Variants in MSRA observed in about 807,000 individuals in gnomAD.
MSRA encodes methionine sulfoxide reductase A.
Under a neutral mutation model 31.3 loss-of-function variants are expected in MSRA, and 54 were observed. That is an observed-to-expected ratio of 1.73 (90% CI 1.39 to 2.17). MSRA has a LOEUF of 2.17. Among genes scored for constraint, MSRA ranks in the 30% most tolerant of loss-of-function variants. MSRA has a pLI of 0.00. For missense variants in MSRA, 507 were observed against 300.9 expected (o/e 1.69, Z -5.07); for synonymous variants, 169 against 116.5 (o/e 1.45, Z -2.90).
rs185370296 is a variant in MSRA at position 10,069,492 on chromosome 8, G to A, written c.142+14834G>A. On this transcript the variant is annotated intron_variant, in intron 1 of 5. Transcript: ENST00000317173. ...AAGAAACGTATTTTCTCACAGCTCC[G>A]GAGGCTGGCAAGTCCATGATCACCG... Among the ~76,000 whole-genome samples the A allele has an allele frequency of 1.8e-4, 27 of 152,312 alleles. 1 individual carries two copies. The highest frequency in any genetic ancestry group is 8.3e-4 in the South Asian group (4 of 4,832).
At chr8:10,365,096 C>G (rs1400297557) in intron 5 of MSRA, among the ~76,000 whole-genome samples, 2 of 145,864 alleles carry the variant, frequency 1.4e-5, no homozygotes, top group East Asian at 4.0e-4. Flanking sequence ...AGAAGCTTTT[C>G]TCTGTGCTGA....
At chr8:10,272,658 T>A (rs1243722399) in intron 3 of MSRA, among the ~76,000 whole-genome samples, 2 of 152,208 alleles carry the variant, frequency 1.3e-5, no homozygotes, top group Non-Finnish European at 2.9e-5. Context: ...AAATTAACCC[T>A]CACTCTTACT....
At chr8:10,167,785 T>G (rs901962019) in intron 1 of MSRA, among the ~76,000 whole-genome samples, 3 of 152,142 alleles carry the variant, frequency 2.0e-5, no homozygotes, top group African/African-American at 7.2e-5. Flanking sequence ...CCACTTTCTC[T>G]CATAGTGAGA....
intron 5 of MSRA, among the ~76,000 whole-genome samples, chr8:10,397,890 T>C (rs984120309): frequency 2.6e-5 from 4 of 152,196 alleles, no homozygotes; most frequent in Non-Finnish European, 5.9e-5. Context: ...AGTAAGCCCA[T>C]TATAACAGCT....
chr8:10,371,430 G>C (rs964054949), intron 5 of MSRA, among the ~76,000 whole-genome samples: 1 of 152,172 alleles, frequency 6.6e-6, no homozygotes, highest in East Asian at 1.9e-4. Context: ...ATGCAAGGTT[G>C]ACAGAAGCCT....
intron 5 of MSRA, among the ~76,000 whole-genome samples, chr8:10,422,392 G>A (rs1240253290): frequency 6.6e-6 from 1 of 152,180 alleles, no homozygotes; most frequent in African/African-American, 2.4e-5. Context: ...AGGCAGAAAA[G>A]CTGAGTCCAA....
intron 2 of MSRA, among the ~76,000 whole-genome samples, chr8:10,222,676 T>C (rs946675600): frequency 6.6e-6 from 1 of 152,208 alleles, no homozygotes; most frequent in Admixed American, 6.5e-5. Flanking sequence ...GGAAATCCTG[T>C]CGTTGGCAAC....
intron 1 of MSRA, among the ~76,000 whole-genome samples, chr8:10,164,825 C>G (rs988087548): frequency 2.0e-5 from 3 of 152,058 alleles, no homozygotes; most frequent in South Asian, 2.1e-4. Context: ...GTCAGGAGTT[C>G]GAGACCAGCC....
intron 2 of MSRA, among the ~76,000 whole-genome samples, chr8:10,216,076 A>G (rs537519261): frequency 2.0e-5 from 3 of 152,242 alleles, no homozygotes; most frequent in Non-Finnish European, 2.9e-5. Flanking sequence ...ATTTTTAAGA[A>G]AAATACGGAG....
chr8:10,349,989 C>A (rs564548674), intron 5 of MSRA, among the ~76,000 whole-genome samples: 9 of 152,378 alleles, frequency 5.9e-5, no homozygotes, highest in African/African-American at 1.9e-4. Context: ...ACCGCTGAAG[C>A]TTGTGGCTTG....
intron 5 of MSRA, among the ~76,000 whole-genome samples, chr8:10,327,225 T>C (rs1219342591): frequency 1.3e-5 from 2 of 152,218 alleles, no homozygotes; most frequent in African/African-American, 4.8e-5. Flanking sequence ...AAAGGCTGTA[T>C]CTATCCGTCT....
At chr8:10,073,268 T>A (rs1797832065) in intron 1 of MSRA, among the ~76,000 whole-genome samples, 1 of 152,182 alleles carries the variant, frequency 6.6e-6, no homozygotes. Flanking sequence ...GCAGATGCTG[T>A]TTATTGAGTT....
intron 3 of MSRA, among the ~76,000 whole-genome samples, chr8:10,291,254 G>A (rs1800218184): frequency 6.6e-6 from 1 of 152,172 alleles, no homozygotes; most frequent in Non-Finnish European, 1.5e-5. Context: ...AAAATATACA[G>A]CAGAGGATCA....
chr8:10,102,949 C>T (rs1799632432), intron 1 of MSRA, among the ~76,000 whole-genome samples: 1 of 152,110 alleles, frequency 6.6e-6, no homozygotes, highest in African/African-American at 2.4e-5. Flanking sequence ...GTTGTTGGTG[C>T]TACTTGTGTT....
At chr8:10,264,741 GA>G (rs1303494887) in intron 3 of MSRA, among the ~76,000 whole-genome samples, 1 of 152,216 alleles carries the variant, frequency 6.6e-6, no homozygotes, top group African/African-American at 2.4e-5. Flanking sequence ...CTTGAGTCTT[GA>G]TGAATGGGCG....
At chr8:10,085,627 C>G (rs1293341176) in intron 1 of MSRA, among the ~76,000 whole-genome samples, 1 of 152,120 alleles carries the variant, frequency 6.6e-6, no homozygotes, top group African/African-American at 2.4e-5. Context: ...CAAAATTCAC[C>G]TCTTCTAAAG....
intron 5 of MSRA, among the ~76,000 whole-genome samples, chr8:10,367,167 C>T (rs888132523): frequency 3.3e-5 from 5 of 152,188 alleles, no homozygotes; most frequent in Non-Finnish European, 7.3e-5. Context: ...AGTGGATCCA[C>T]GCTGTCTACA....
chr8:10,371,042 A>T (rs1470208382), intron 5 of MSRA, among the ~76,000 whole-genome samples: 1 of 152,144 alleles, frequency 6.6e-6, no homozygotes, highest in African/African-American at 2.4e-5. Context: ...GCACATCCGA[A>T]TCCCCTGGAG....
intron 1 of MSRA, among the ~76,000 whole-genome samples, chr8:10,088,932 A>G (rs1206012519): frequency 6.6e-6 from 1 of 152,166 alleles, no homozygotes; most frequent in African/African-American, 2.4e-5. Flanking sequence ...TTTTAAAAAG[A>G]TCTCAAATAT....
Sources: allele counts gnomAD v4.1 joint callset (sites outside exome capture counted in the v4.1 genomes callset), GRCh38; gene constraint gnomAD v4.1.1; transcripts MANE v1.5; gene names NCBI Gene and HGNC (gene_info 2026-07-23, HGNC 2026-07-21).